CACNB3: variants seen among roughly 807,000 people sequenced by gnomAD.
CACNB3 encodes the protein voltage-dependent L-type calcium channel subunit beta-3.
Under a neutral mutation model 63.7 loss-of-function variants are expected in CACNB3, and 36 were observed. The ratio of observed to expected loss-of-function variants is 0.57; its 90% CI spans 0.43 to 0.75. CACNB3 has a LOEUF of 0.75. CACNB3 is among the 30% of genes least tolerant of loss of function. The probability of loss-of-function intolerance (pLI) is 0.00; values close to 1 mark genes in which losing one functional copy is unlikely to be tolerated. For synonymous variants in CACNB3, 241 were observed against 250.6 expected (o/e 0.96, Z 0.36); for missense variants, 493 against 648.6 (o/e 0.76, Z 2.61).
rs1208557811 is a variant in CACNB3 at position 48,823,816 on chromosome 12, C to G, written c.291+13C>G. The G allele has an allele frequency of 3.7e-6, 6 of 1,613,694 alleles. No homozygotes were observed. In the African/African-American group the frequency reaches 6.7e-5, roughly 18 times the overall value. On this transcript the variant is annotated intron_variant, in intron 3 of 12. Coordinates refer to ENST00000301050, the MANE Select transcript of CACNB3 (RefSeq NM_000725.4). This position sits in a 1 kb window ranked among gnomAD's most constrained non-coding sequence, Gnocchi z 4.2. ...GCACATTAAAGAGGTGATCGACCCC[C>G]CTACTTCCAGAAGCCTCTAACTTCA...
At position 48,828,409 on chromosome 12, in the gene CACNB3, G is replaced by GC. The variant is rs762609911; in HGVS notation, c.*517dup. ...ATACATTAGAAATGAGACAATCAAAGCCCCCCCAGGGTGGCACACCCATCT... is the reference window on the plus strand; with the variant it reads ...ATACATTAGAAATGAGACAATCAAAGCCCCCCCCAGGGTGGCACACCCATCT... On this transcript the variant is annotated 3_prime_UTR_variant, in exon 13 of 13. Coordinates refer to ENST00000301050, the MANE Select transcript of CACNB3 (RefSeq NM_000725.4). 4.6e-5 allele frequency: 15 copies of GC among 329,382 alleles called. No homozygotes were observed. The highest frequency in any genetic ancestry group is 3.1e-4 in the East Asian group (4 of 12,932). 20.4% of individuals were successfully genotyped at this position (329,382 alleles called of 1,614,324 possible). A position where few individuals can be genotyped will look rare whatever the true frequency, so the allele number is the denominator to read the frequency against.
upstream of CACNB3, chr12:48,815,625 G>A: frequency 6.5e-7 from 1 of 1,534,554 alleles, no homozygotes; most frequent in Non-Finnish European, 8.7e-7. Flanking sequence ...GCAGCGGCCG[G>A]GTTTTGCTCC....
At chr12:48,815,744 GTGTGGGGTCGT>G, upstream of CACNB3, 1 of 1,341,714 alleles carries the variant, frequency 7.5e-7, no homozygotes, top group Non-Finnish European at 1.0e-6. Context: ...CGTGGGGGGG[GTGTGGGGTCGT>G]GGGAAGGGGG....
At chr12:48,814,651 G>C, upstream of CACNB3, 1 of 1,255,200 alleles carries the variant, frequency 8.0e-7, no homozygotes, top group African/African-American at 1.5e-5. This position sits in a 1 kb window ranked among gnomAD's most constrained non-coding sequence, Gnocchi z 6.9. Context: ...CCTACTGGGG[G>C]TCTCGAGCTG....
chr12:48,817,107 A>G, upstream of CACNB3: 1 of 642,602 alleles, frequency 1.6e-6, no homozygotes. Flanking sequence ...CCCTTCAGCC[A>G]CAGGGGCTGC....
rs536012906 is a variant in CACNB3, at chr12:48,823,032, G to A, written c.46-312G>A. On this transcript the variant is annotated intron_variant, in intron 1 of 12. Coordinates refer to ENST00000301050, the MANE Select transcript of CACNB3 (RefSeq NM_000725.4). This position sits in a 1 kb window ranked among gnomAD's most constrained non-coding sequence, Gnocchi z 4.2. ...TCTTCAGCACACCTCCCTTCCCTCGGCTCAGAGGACATGTTAGAGGGGAGA... is the reference window on the plus strand; with the variant it reads ...TCTTCAGCACACCTCCCTTCCCTCGACTCAGAGGACATGTTAGAGGGGAGA... Among the ~76,000 whole-genome samples, 1 of 152,178 alleles carries A rather than the reference G, an allele frequency of 6.6e-6. No homozygotes were observed. The highest frequency in any genetic ancestry group is 1.9e-4 in the East Asian group (1 of 5,182).
At chr12:48,815,738 GGGGGGGTGT>G, upstream of CACNB3, 1 of 1,402,084 alleles carries the variant, frequency 7.1e-7, no homozygotes, top group Non-Finnish European at 9.7e-7. Flanking sequence ...GGTAACCGTG[GGGGGGGTGT>G]GGGGTCGTGG....
upstream of CACNB3, chr12:48,817,081 C>A: frequency 1.2e-6 from 1 of 833,016 alleles, no homozygotes; most frequent in Non-Finnish European, 1.4e-6. Flanking sequence ...GTGCTGGACT[C>A]AGGAGAGGAG....
upstream of CACNB3, chr12:48,815,736 T>TGG (rs147844203): frequency 3.3e-4 from 136 of 417,250 alleles, no homozygotes; most frequent in African/African-American, 3.8e-3. Context: ...GAGGTAACCG[T>TGG]GGGGGGGGTG....
intron 1 of CACNB3, chr12:48,819,513 C>G (rs1251546306): frequency 9.2e-6 from 3 of 324,438 alleles, no homozygotes; most frequent in Admixed American, 4.1e-5. Flanking sequence ...CCTTCCACCC[C>G]CTCCATCTCT....
chr12:48,828,082 C>T lies in CACNB3; in HGVS notation c.*183C>T, dbSNP rs1235231793. The T allele has an allele frequency of 8.1e-6, 5 of 614,758 alleles. No homozygotes were observed. The highest frequency in any genetic ancestry group is 1.8e-5 in the African/African-American group (1 of 54,140). The allele number at this position is 614,758 out of a possible 1,614,324, so 38.1% of individuals were successfully genotyped here. The stretch of plus-strand genomic sequence containing the variant: ...TTCTGGGAGAAACAGGGGACCCCCT[C>T]ACCTCCTGGGCAGTGACCCCTACTA... On this transcript the variant is annotated 3_prime_UTR_variant, in exon 13 of 13. Transcript: ENST00000301050.
chr12:48,824,106 G>T (rs1041324966), intron 3 of CACNB3, 152 bp from the exon 4 acceptor site: 1 of 736,900 alleles, frequency 1.4e-6, no homozygotes, highest in Non-Finnish European at 2.2e-6. Flanking sequence ...GAACTTGGCT[G>T]TCCTTTCCCC....
At chr12:48,815,790 T>C, upstream of CACNB3, 2 of 1,070,844 alleles carry the variant, frequency 1.9e-6, no homozygotes, top group African/African-American at 1.6e-5. Context: ...GGAGGAGAGC[T>C]CCGCTCCAAG....
rs376035960 is a variant in CACNB3 at position 48,827,033 on chromosome 12, T to C, written c.1050T>C (p.Ala350=). ...TGGAGGATGCCTGTGAGCACCTGGC[T>C]GAGTACCTGGAGGTTTACTGGCGGG... ...NQLEDACEHL[A]EYLEVYWRAT... Residue 350 remains alanine, a synonymous_variant, in exon 12 of 13, where the codon GCT becomes GCC. Coordinates refer to ENST00000301050, the MANE Select transcript of CACNB3 (RefSeq NM_000725.4). 22 of 1,614,094 alleles carry C rather than the reference T, an allele frequency of 1.4e-5. No individual in the cohort carries two copies. The highest frequency in any genetic ancestry group is 1.9e-5 in the Non-Finnish European group (22 of 1,180,030).
chr12:48,817,764 G>C (rs1242290995), upstream of CACNB3: 1 of 152,302 alleles, frequency 6.6e-6, no homozygotes, highest in Non-Finnish European at 1.5e-5. Context: ...CCCGAGTGTA[G>C]CCAGGATCCC....
chr12:48,816,813 G>C (rs1942298440), upstream of CACNB3: 1 of 984,674 alleles, frequency 1.0e-6, no homozygotes, highest in Middle Eastern at 5.2e-4. Flanking sequence ...GAGAGGCCAG[G>C]AGAGTGGATG....
chr12:48,825,776 A>G lies in CACNB3; in HGVS notation c.742+7A>G. 6.2e-7 allele frequency: 1 copy of G among 1,602,504 alleles called. No individual in the cohort carries two copies. The highest frequency in any genetic ancestry group is 8.5e-7 in the Non-Finnish European group (1 of 1,169,962). ...TCTGCCCGCTCCAGCATTGGTGAGA[A>G]GTCCCCACCACCTGCTTCTGTGCCC... On this transcript the variant is annotated splice_region_variant and intron_variant, in intron 9 of 12. Transcript: ENST00000301050. The surrounding 1 kb of genome is among the most constrained non-coding windows in gnomAD (Gnocchi z 4.5).
At position 48,828,927 on chromosome 12, in the gene CACNB3, A is replaced by G. The variant is rs1486848255; in HGVS notation, c.*1028A>G. 4 of 356,632 alleles carry G rather than the reference A, an allele frequency of 1.1e-5. No individual in the cohort carries two copies. The highest frequency in any genetic ancestry group is 2.2e-5 in the Non-Finnish European group (4 of 179,242). The allele number at this position is 356,632 out of a possible 1,614,324, so 22.1% of individuals were successfully genotyped here. ...CTCACCTCACTGTCATCACTAATAA[A>G]CATCATGCACAGTCCCTCCGGCTTC... On this transcript the variant is annotated 3_prime_UTR_variant, in exon 13 of 13. Transcript: ENST00000301050.
intron 3 of CACNB3, 47 bp from the exon 4 acceptor site, chr12:48,824,211 G>A: frequency 6.7e-7 from 1 of 1,481,518 alleles, no homozygotes; most frequent in Non-Finnish European, 9.3e-7. Context: ...CCAGGACTGG[G>A]GCGGGGCGCT....
Sources: gnomAD v4.1 joint callset for allele counts (sites outside exome capture counted in the v4.1 genomes callset) on GRCh38, gnomAD v4.1.1 for gene constraint, Gnocchi (gnomAD v3.1) non-coding constraint, MANE v1.5 for transcripts, NCBI Gene and HGNC (gene_info 2026-07-23, HGNC 2026-07-21) for gene names.